Variants in MYO10 observed in about 807,000 individuals in gnomAD.
MYO10 encodes the protein myosin X, also known as unconventional myosin-X.
MYO10 carries 133 observed loss-of-function variants against 257.3 expected under a neutral mutation model. The observed-to-expected ratio is 0.52, with a 90% CI of 0.45 to 0.60. MYO10 has a LOEUF of 0.60. Among genes scored for constraint, MYO10 ranks in the 20% least tolerant of loss-of-function variants. The probability of loss-of-function intolerance (pLI) is 0.00; values close to 1 mark genes in which losing one functional copy is unlikely to be tolerated. For synonymous variants in MYO10, 1,104 were observed against 1,028.6 expected (o/e 1.07, Z -1.40); for missense variants, 2,399 against 2,635.7 (o/e 0.91, Z 1.97).
chr5:16,768,076 G>C (rs1184048598), intron 10 of MYO10, among the ~76,000 whole-genome samples: 1 of 152,098 alleles, frequency 6.6e-6, no homozygotes, highest in Non-Finnish European at 1.5e-5. Context: ...ATTAAGAGGT[G>C]CTGGGTAGAA....
At chr5:16,754,991 T>A in intron 18 of MYO10, 83 bp from the exon 19 acceptor site, 2 of 854,522 alleles carry the variant, frequency 2.3e-6, no homozygotes, top group Non-Finnish European at 1.7e-6. Flanking sequence ...TTAGAAACAA[T>A]AATTTAAAAA....
At chr5:16,828,450 C>T (rs894513364) in intron 2 of MYO10, among the ~76,000 whole-genome samples, 40 of 152,090 alleles carry the variant, frequency 2.6e-4, no homozygotes, top group African/African-American at 9.4e-4. Context: ...CACCCCCCGT[C>T]TCTACTAAAA....
Position 16,777,839 on chromosome 5 carries a change from CTTTTTTTTTTTTTT to C in MYO10, c.930+1692_930+1705del, listed in dbSNP as rs61326508. Among the ~76,000 whole-genome samples the C allele has an allele frequency of 2.5e-4, 22 of 88,478 alleles. 1 individual carries two copies. Among genetic ancestry groups the C allele is most frequent in the East Asian group, 1.3e-3 (3 of 2,338 alleles). 58.0% of individuals were successfully genotyped at this position (88,478 alleles called of 152,430 possible). A position where few individuals can be genotyped will look rare whatever the true frequency, so the allele number is the denominator to read the frequency against. ...GCCACCCTAGGTGCATTGCATCTAA[CTTTTTTTTTTTTTT>C]TTTTTTTTTTTTTTGAGACGGAGTC... On this transcript the variant is annotated intron_variant, in intron 9 of 40. Transcript: ENST00000513610.
chr5:16,886,840 G>C (rs1449970845), intron 1 of MYO10, among the ~76,000 whole-genome samples: 1 of 150,496 alleles, frequency 6.6e-6, no homozygotes, highest in African/African-American at 2.4e-5. Flanking sequence ...TCTGAAGCAT[G>C]AGAATCGCTT....
At chr5:16,861,640 A>G (rs138773461) in intron 2 of MYO10, among the ~76,000 whole-genome samples, 1 of 152,302 alleles carries the variant, frequency 6.6e-6, no homozygotes, top group East Asian at 1.9e-4. Flanking sequence ...TTCCAATCTT[A>G]AAAAGTAACT....
intron 1 of MYO10, among the ~76,000 whole-genome samples, chr5:16,892,369 G>A (rs554987224): frequency 4.6e-5 from 7 of 152,156 alleles, no homozygotes; most frequent in South Asian, 2.1e-4. Context: ...TGCCGGGCAC[G>A]GTGGCTCACG....
intron 1 of MYO10, among the ~76,000 whole-genome samples, chr5:16,926,262 T>C (rs1746129312): frequency 6.6e-6 from 1 of 152,214 alleles, no homozygotes; most frequent in Admixed American, 6.5e-5. Context: ...TTAAAATACT[T>C]TGTAGTACTT....
chr5:16,838,156 A>G (rs1743368662), intron 2 of MYO10, among the ~76,000 whole-genome samples: 1 of 152,224 alleles, frequency 6.6e-6, no homozygotes, highest in Admixed American at 6.5e-5. Flanking sequence ...AAAAAGAGTC[A>G]CGCATCTCTC....
At chr5:16,815,421 G>C (rs60498681) in intron 3 of MYO10, 98,063 of 699,866 alleles carry the variant, frequency 0.14, 8,155 homozygotes, top group South Asian at 0.28. Context: ...GAAGCATTGT[G>C]GATTTGGAGT....
intron 1 of MYO10, among the ~76,000 whole-genome samples, chr5:16,892,818 A>G (rs955088588): frequency 6.6e-6 from 1 of 152,204 alleles, no homozygotes; most frequent in African/African-American, 2.4e-5. Context: ...AAGAATGCAC[A>G]GGCCTCGTTC....
intron 23 of MYO10, 53 bp downstream of exon 23, chr5:16,702,872 A>C: frequency 6.8e-7 from 1 of 1,471,230 alleles, no homozygotes; most frequent in Non-Finnish European, 9.3e-7. Context: ...GATACCGAGC[A>C]CAGCACTCAA....
At chr5:16,805,489 A>T (rs1182021513) in intron 3 of MYO10, among the ~76,000 whole-genome samples, 2 of 151,840 alleles carry the variant, frequency 1.3e-5, no homozygotes, top group African/African-American at 2.4e-5. Context: ...AAGAAAAGAA[A>T]AAAAAGAAAT....
intron 19 of MYO10, among the ~76,000 whole-genome samples, chr5:16,720,524 G>A (rs1486602690): frequency 1.3e-5 from 2 of 152,122 alleles, no homozygotes; most frequent in Non-Finnish European, 2.9e-5. Context: ...TGCGATCTCA[G>A]GTCACTGCAA....
rs1168278469 is a variant in MYO10, at chr5:16,670,714, C to T, written c.5695G>A (p.Val1899Ile). Residue 1899 changes from valine (V) to isoleucine (I), a missense_variant, in exon 39 of 41, where the codon GTC becomes ATC. By Grantham distance (29) the Val-to-Ile change is conservative (BLOSUM62 3). Coordinates refer to ENST00000513610, the MANE Select transcript of MYO10 (RefSeq NM_012334.3). ...LRRSFRTGSV[V>I]RQKVEEEQML... Reference sequence around the variant, plus strand: ...TGCTCCTCCTCGACCTTCTGCCGGACCACGGATCCTGTCCGGAAGCTCCGC... The same window carrying T: ...TGCTCCTCCTCGACCTTCTGCCGGATCACGGATCCTGTCCGGAAGCTCCGC... 2 of 1,613,946 alleles carry T rather than the reference C, an allele frequency of 1.2e-6. No individual in the cohort carries two copies. The highest frequency in any genetic ancestry group is 2.7e-5 in the African/African-American group (2 of 74,950).
At chr5:16,917,229 A>G (rs1394083416) in intron 1 of MYO10, among the ~76,000 whole-genome samples, 8 of 152,260 alleles carry the variant, frequency 5.3e-5, no homozygotes, top group Non-Finnish European at 1.2e-4. Context: ...CACCCCGAAG[A>G]GTACACTATG....
rs759691136 is a variant in MYO10 at position 16,701,551 on chromosome 5, G to A, written c.2844C>T (p.Asp948=). 16 of 1,613,738 alleles carry A rather than the reference G, an allele frequency of 9.9e-6. No individual in the cohort carries two copies. Among genetic ancestry groups the A allele is most frequent in the Middle Eastern group, 1.6e-4 (1 of 6,084 alleles). Residue 948 remains aspartate, a synonymous_variant, in exon 25 of 41, where the codon GAC becomes GAT. Coordinates refer to ENST00000513610, the MANE Select transcript of MYO10 (RefSeq NM_012334.3). The surrounding 1 kb of genome is among the most constrained non-coding windows in gnomAD (Gnocchi z 8.1). ...AQEFLESLNF[D]EIDECVRNIE... Reference sequence around the variant, plus strand: ...TATTCCGGACACACTCGTCGATCTCGTCGAAATTGAGGGACTCGAGGAACT... The same window carrying A: ...TATTCCGGACACACTCGTCGATCTCATCGAAATTGAGGGACTCGAGGAACT...
intron 18 of MYO10, among the ~76,000 whole-genome samples, chr5:16,756,221 T>C (rs1453947656): frequency 2.0e-5 from 3 of 152,082 alleles, no homozygotes. Context: ...TACAAGGGCA[T>C]GCCGAATAAC....
At chr5:16,780,220 ATTAAC>A (rs1386463506) in intron 8 of MYO10, among the ~76,000 whole-genome samples, 1 of 152,116 alleles carries the variant, frequency 6.6e-6, no homozygotes, top group African/African-American at 2.4e-5. Flanking sequence ...ATATTTAGAA[ATTAAC>A]TTTATTCAGG....
At chr5:16,738,443 T>A in intron 19 of MYO10, 4 of 983,058 alleles carry the variant, frequency 4.1e-6, no homozygotes, top group Non-Finnish European at 4.8e-6. Flanking sequence ...TTTTTGGAAA[T>A]GTTTAGCAGT....
Sources: gnomAD v4.1 joint callset for allele counts (sites outside exome capture counted in the v4.1 genomes callset) on GRCh38, gnomAD v4.1.1 for gene constraint, Gnocchi (gnomAD v3.1) non-coding constraint, MANE v1.5 for transcripts, NCBI Gene and HGNC (gene_info 2026-07-23, HGNC 2026-07-21) for gene names.